Variants in NCEH1 observed in about 807,000 individuals in gnomAD.
NCEH1 encodes the protein neutral cholesterol ester hydrolase 1.
NCEH1 carries 9 observed loss-of-function variants against 25.4 expected under a neutral mutation model. The observed-to-expected ratio is 0.35, with a 90% CI of 0.21 to 0.62. NCEH1 has a LOEUF of 0.62. Among genes scored for constraint, NCEH1 ranks in the 20% least tolerant of loss-of-function variants. The pLI is 0.72. For missense variants in NCEH1, 412 were observed against 501.1 expected, an observed-to-expected ratio of 0.82 and a Z score of 1.70; for synonymous variants, 200 against 199.8, an observed-to-expected ratio of 1.00 and a Z score of -0.01.
At position 172,633,719 on chromosome 3, in the gene NCEH1, A is replaced by G; in HGVS notation, c.983T>C (p.Ile328Thr). Residue 328 changes from isoleucine to threonine, a missense_variant, in exon 5 of 5, where the codon ATT becomes ACT. Around this residue, in one of 3 missense-constraint regions of NCEH1, gnomAD observed 210 missense variants for 258.2 expected, o/e 0.81. Transcript: ENST00000475381. Reference protein sequence around the residue: ...QLLDARSAPLIADQAVLQLLP... With the variant: ...QLLDARSAPLTADQAVLQLLP... ...GAGCTGCAGCACTGCCTGGTCTGCA[A>G]TGAGTGGGGCGGAGCGGGCATCCAG... 2 of 1,614,198 alleles carry G rather than the reference A, an allele frequency of 1.2e-6. No homozygotes were observed. The highest frequency in any genetic ancestry group is 8.5e-7 in the Non-Finnish European group (1 of 1,180,028).
chr3:172,708,884 A>G (rs1002900938), intron 1 of NCEH1, among the ~76,000 whole-genome samples: 7 of 152,214 alleles, frequency 4.6e-5, no homozygotes, highest in African/African-American at 1.7e-4. Flanking sequence ...CCTATTTTAC[A>G]GGGAAAACTC....
intron 1 of NCEH1, among the ~76,000 whole-genome samples, chr3:172,689,608 G>A (rs1560204294): frequency 4.2e-5 from 1 of 23,714 alleles, no homozygotes; most frequent in African/African-American, 1.7e-4. Flanking sequence ...TACTTGGGAG[G>A]CCGAGTCGGG....
chr3:172,649,085 C>T (rs1422733405), intron 1 of NCEH1, among the ~76,000 whole-genome samples: 1 of 152,150 alleles, frequency 6.6e-6, no homozygotes, highest in East Asian at 1.9e-4. Context: ...CACCTTACAG[C>T]TTCTCAGGCT....
At position 172,691,610 on chromosome 3, in the gene NCEH1, A is replaced by C. The variant is rs192786446; in HGVS notation, c.138+19237T>G. On this transcript the variant is annotated intron_variant, in intron 1 of 4. Transcript: ENST00000475381. ...GAGATGGAATTACTTAGGAGTAATT[A>C]AACAAATCCAGTGACAGGAAGAACT... 5.9e-5 allele frequency among the ~76,000 whole-genome samples: 9 copies of C among 152,430 alleles called. No individual in the cohort carries two copies. In the East Asian group the frequency reaches 1.7e-3, roughly 29 times the overall value.
chr3:172,675,177 T>C (rs566061065), intron 1 of NCEH1, among the ~76,000 whole-genome samples: 1 of 152,160 alleles, frequency 6.6e-6, no homozygotes, highest in Non-Finnish European at 1.5e-5. Flanking sequence ...GTGTGGTGCC[T>C]GTAATCCCAG....
rs1006222110 is a variant in NCEH1, at chr3:172,638,428, T to C, written c.438-2341A>G. Among the ~76,000 whole-genome samples the C allele has an allele frequency of 2.6e-5, 4 of 151,462 alleles. No homozygotes were observed. In the East Asian group the frequency reaches 5.8e-4, roughly 22 times the overall value. Reference sequence around the variant, plus strand: ...TTTCCAGTTGATTTTTCACTATGTATGAAAGCTGCTGCTATATAATCTATA... The same window carrying C: ...TTTCCAGTTGATTTTTCACTATGTACGAAAGCTGCTGCTATATAATCTATA... On this transcript the variant is annotated intron_variant, in intron 3 of 4. Transcript: ENST00000475381.
chr3:172,647,985 C>T lies in NCEH1; in HGVS notation c.268G>A (p.Val90Met). The change falls in exon 2 of 5, where the codon GTG becomes ATG. Residue 90 changes from valine to methionine, a missense_variant. This residue lies in a region of NCEH1 where 178 missense variants were observed against 189.2 expected (regional missense o/e 0.94). Coordinates refer to ENST00000475381, the MANE Select transcript of NCEH1 (RefSeq NM_020792.6). ...GGGCCTTCAAACACTCTGACTTCCA[C>T]ACCATCAAAGTCTGTGTCGGTCACC... ...VKVTDTDFDG[V>M]EVRVFEGPPK... The T allele has an allele frequency of 6.2e-7, 1 of 1,614,204 alleles. No individual in the cohort carries two copies. Among genetic ancestry groups the T allele is most frequent in the Non-Finnish European group, 8.5e-7 (1 of 1,180,044 alleles).
intron 3 of NCEH1, among the ~76,000 whole-genome samples, chr3:172,642,619 A>AAG (rs1716907136): frequency 6.7e-6 from 1 of 150,314 alleles, no homozygotes; most frequent in Non-Finnish European, 1.5e-5. Context: ...AAAAAAAAAA[A>AAG]AAAAAGAAAA....
intron 1 of NCEH1, among the ~76,000 whole-genome samples, chr3:172,652,490 A>C (rs576006247): frequency 2.2e-4 from 34 of 152,358 alleles, no homozygotes; most frequent in Non-Finnish European, 3.8e-4. Flanking sequence ...TGGCTTCCCC[A>C]AACCACAATG....
chr3:172,661,795 A>T (rs755490368), intron 1 of NCEH1, among the ~76,000 whole-genome samples: 29,757 of 151,862 alleles, frequency 0.2, 3,185 homozygotes, highest in Middle Eastern at 0.26. Context: ...GTGTATAGGA[A>T]TGCTTGTGAT....
chr3:172,707,311 C>G (rs1251819597), intron 1 of NCEH1, among the ~76,000 whole-genome samples: 1 of 152,154 alleles, frequency 6.6e-6, no homozygotes, highest in African/African-American at 2.4e-5. Flanking sequence ...TTTGTTTGTG[C>G]TTTTCCACTG....
intron 1 of NCEH1, among the ~76,000 whole-genome samples, chr3:172,672,666 G>A (rs551952677): frequency 3.3e-5 from 5 of 152,258 alleles, no homozygotes; most frequent in African/African-American, 1.2e-4. Context: ...GGGCCACTTC[G>A]GTCTTTTATA....
At chr3:172,647,836 C>A (rs1158354412) in intron 2 of NCEH1, 50 bp downstream of exon 2, 1 of 1,608,478 alleles carries the variant, frequency 6.2e-7, no homozygotes, top group Non-Finnish European at 8.5e-7. Flanking sequence ...TACGCATCTC[C>A]CCCAAGGCCA....
chr3:172,673,238 G>A (rs13434251), intron 1 of NCEH1, among the ~76,000 whole-genome samples: 17,461 of 152,180 alleles, frequency 0.11, 2,903 homozygotes, highest in African/African-American at 0.37. Flanking sequence ...CATTGTCATA[G>A]TAGCTCTACT....
intron 1 of NCEH1, among the ~76,000 whole-genome samples, chr3:172,660,711 T>C (rs191400779): frequency 3.9e-5 from 6 of 152,246 alleles, no homozygotes; most frequent in African/African-American, 1.4e-4. Flanking sequence ...TTGATTTGCA[T>C]TTCTCTGATG....
At chr3:172,679,774 T>C (rs1374798903) in intron 1 of NCEH1, among the ~76,000 whole-genome samples, 1 of 152,120 alleles carries the variant, frequency 6.6e-6, no homozygotes, top group Admixed American at 6.6e-5. Flanking sequence ...AATATAGTGA[T>C]TCCCGCCATC....
At chr3:172,653,735 G>GTTTTTTTTTTTTTTTTTTTTT (rs1553830302) in intron 1 of NCEH1, among the ~76,000 whole-genome samples, 4 of 71,024 alleles carry the variant, frequency 5.6e-5, no homozygotes, top group African/African-American at 2.0e-4. Flanking sequence ...TTGTTGTTCT[G>GTTTTTTTTTTTTTTTTTTTTT]TTTTTTTTGT....
intron 1 of NCEH1, among the ~76,000 whole-genome samples, chr3:172,657,607 TTCTC>T (rs1023789581): frequency 2.6e-5 from 4 of 152,206 alleles, no homozygotes; most frequent in African/African-American, 9.7e-5. Context: ...ATAACAGTCT[TTCTC>T]TATAACTTGC....
At position 172,688,330 on chromosome 3, in the gene NCEH1, C is replaced by CAAA. The variant is rs11376665; in HGVS notation, c.138+22514_138+22516dup. ...AGGCAACAAGAGCGAAACTCCACCT[C>CAAA]AAAAAAAAAAAAAAAAAAAAAAGAA... On this transcript the variant is annotated intron_variant, in intron 1 of 4. Transcript: ENST00000475381. Among the ~76,000 whole-genome samples, 453 of 65,212 alleles carry CAAA rather than the reference C, an allele frequency of 6.9e-3. 3 individuals carry two copies. Among genetic ancestry groups the CAAA allele is most frequent in the Non-Finnish European group, 7.7e-3 (280 of 36,394 alleles). 42.8% of individuals were successfully genotyped at this position (65,212 alleles called of 152,430 possible).
Sources: allele counts gnomAD v4.1 joint callset (sites outside exome capture counted in the v4.1 genomes callset), GRCh38; gene constraint gnomAD v4.1.1; regional missense constraint gnomAD v4.1.1; transcripts MANE v1.5; gene names NCBI Gene and HGNC (gene_info 2026-07-23, HGNC 2026-07-21).